FKTN: variants seen among roughly 807,000 people sequenced by gnomAD.
The protein encoded by FKTN is fukutin.
FKTN carries 47 observed loss-of-function variants against 58.6 expected under a neutral mutation model. The ratio of observed to expected loss-of-function variants is 0.80; its 90% confidence interval spans 0.63 to 1.02. The LOEUF (loss-of-function observed/expected upper bound fraction) is 1.02. Ranked by LOEUF, FKTN falls within the 50% of genes least tolerant of loss-of-function variation. FKTN has a pLI of 0.00. For synonymous variants in FKTN, 178 were observed against 191.9 expected (o/e 0.93, Z 0.60); for missense variants, 516 against 537.3 (o/e 0.96, Z 0.39).
At chr9:105,581,644 G>T (rs1842934315) in intron 3 of FKTN, among the ~76,000 whole-genome samples, 1 of 152,212 alleles carries the variant, frequency 6.6e-6, no homozygotes, top group Admixed American at 6.5e-5. Flanking sequence ...TGCCCCCAGA[G>T]GTGGAGCCTA....
chr9:105,624,623 C>CAAAAAAAAA (rs779770311), intron 10 of FKTN, among the ~76,000 whole-genome samples: 1 of 69,180 alleles, frequency 1.4e-5, no homozygotes, highest in Admixed American at 1.6e-4. Flanking sequence ...AGAGCAAAAC[C>CAAAAAAAAA]AAAAAAAAAA....
chr9:105,605,166 AAC>A (rs139334189), intron 6 of FKTN, among the ~76,000 whole-genome samples: 2,720 of 152,090 alleles, frequency 0.018, 72 homozygotes, highest in African/African-American at 0.062. Context: ...TTCATTAATA[AAC>A]AATGATATAT....
At chr9:105,626,513 C>T (rs561747706) in intron 10 of FKTN, among the ~76,000 whole-genome samples, 6 of 152,228 alleles carry the variant, frequency 3.9e-5, no homozygotes, top group South Asian at 2.1e-4. Flanking sequence ...CTCTTAATAC[C>T]GTCACCTTGG....
chr9:105,622,351 A>G (rs1482436136), intron 10 of FKTN, among the ~76,000 whole-genome samples: 1 of 152,020 alleles, frequency 6.6e-6, no homozygotes, highest in African/African-American at 2.4e-5. Flanking sequence ...CAGAAGAGGA[A>G]CTCAAGAAGG....
intron 3 of FKTN, among the ~76,000 whole-genome samples, chr9:105,592,229 G>C (rs1386916610): frequency 6.6e-6 from 1 of 152,168 alleles, no homozygotes; most frequent in Non-Finnish European, 1.5e-5. Flanking sequence ...TTCCAAACAT[G>C]TATGCCCTGC....
intron 1 of FKTN, among the ~76,000 whole-genome samples, chr9:105,559,566 C>T (rs1191055778): frequency 2.6e-5 from 4 of 151,976 alleles, no homozygotes; most frequent in Admixed American, 2.6e-4. Context: ...CGCCTGTAAT[C>T]CCAGCTACTC....
intron 7 of FKTN, 112 bp from the exon 8 acceptor site, chr9:105,615,166 G>A (rs1830595236): frequency 5.1e-6 from 6 of 1,171,806 alleles, no homozygotes. Context: ...TTACAGGCGT[G>A]AGCCACTGTG....
At chr9:105,619,861 AT>A (rs958948173) in intron 9 of FKTN, 72 bp from the exon 10 acceptor site, 9 of 1,336,070 alleles carry the variant, frequency 6.7e-6, no homozygotes, top group African/African-American at 4.4e-5. Context: ...CTTTATTTTT[AT>A]TTTTTAAAAA....
chr9:105,561,395 T>TA (rs1564179666), intron 1 of FKTN, among the ~76,000 whole-genome samples: 6 of 152,114 alleles, frequency 3.9e-5, no homozygotes, highest in South Asian at 2.1e-4. Flanking sequence ...TTTAAAGTTT[T>TA]AAAAAAAACT....
At chr9:105,562,049 C>T (rs1455304524) in intron 1 of FKTN, among the ~76,000 whole-genome samples, 5 of 152,088 alleles carry the variant, frequency 3.3e-5, no homozygotes, top group Admixed American at 6.5e-5. Flanking sequence ...TCTCTTTCCT[C>T]TGTAGTTCAG....
At position 105,624,075 on chromosome 9, in the gene FKTN, A is replaced by G. The variant is rs79331453; in HGVS notation, c.1172+4014A>G. Among the ~76,000 whole-genome samples, 325 of 152,350 alleles carry G rather than the reference A, an allele frequency of 2.1e-3. 8 individuals are homozygous for G. In the East Asian group the frequency reaches 0.051, roughly 24 times the overall value. On this transcript the variant is annotated intron_variant, in intron 10 of 10. Coordinates refer to ENST00000357998, the MANE Select transcript of FKTN (RefSeq NM_001079802.2). ...AAAGGTAGAATTATTAAGTCAAAAG[A>G]TATGAGCCTTTTAAAGAGTTTTGAT...
chr9:105,594,803 G>C (rs1431215160), intron 3 of FKTN, among the ~76,000 whole-genome samples: 8 of 152,314 alleles, frequency 5.3e-5, no homozygotes, highest in Admixed American at 5.2e-4. Flanking sequence ...CTGCACAGTT[G>C]CAGGTGCAGA....
chr9:105,580,938 C>T (rs879431457), intron 3 of FKTN, among the ~76,000 whole-genome samples: 40 of 110,332 alleles, frequency 3.6e-4, no homozygotes, highest in Non-Finnish European at 6.2e-4. Context: ...TGCTGATACC[C>T]TTTCTTCCAG....
At chr9:105,580,332 T>C (rs552865105) in intron 3 of FKTN, among the ~76,000 whole-genome samples, 3,395 of 152,098 alleles carry the variant, frequency 0.022, 43 homozygotes, top group Non-Finnish European at 0.031. Context: ...GTTTAGTGCT[T>C]CCTTCAGGAG....
chr9:105,598,236 T>C (rs1670176129), intron 4 of FKTN: 1 of 400,370 alleles, frequency 2.5e-6, no homozygotes, highest in Admixed American at 3.3e-5. Flanking sequence ...AAATTGTAAA[T>C]GTGGTCACTG....
intron 1 of FKTN, among the ~76,000 whole-genome samples, chr9:105,569,413 TCTA>T (rs550984182): frequency 1.1e-3 from 168 of 152,344 alleles, no homozygotes; most frequent in African/African-American, 3.9e-3. Flanking sequence ...ATGGGTTTTA[TCTA>T]CTACTAGTTT....
Position 105,639,422 on chromosome 9 carries a change from C to A in FKTN, c.*4158C>A. 1.6e-6 allele frequency: 1 copy of A among 606,368 alleles called. No homozygotes were observed. The highest frequency in any genetic ancestry group is 2.1e-6 in the Non-Finnish European group (1 of 483,932). 37.6% of individuals were successfully genotyped at this position (606,368 alleles called of 1,614,324 possible). A position where few individuals can be genotyped will look rare whatever the true frequency, so the allele number is the denominator to read the frequency against. On this transcript the variant is annotated 3_prime_UTR_variant, in exon 11 of 11. Transcript: ENST00000357998. The stretch of plus-strand genomic sequence containing the variant: ...GGGGCCCTTTCAGTCTCAATTTCCA[C>A]ATTAGTGAACTGGGGAAATGATACA...
intron 1 of FKTN, among the ~76,000 whole-genome samples, chr9:105,571,600 C>T (rs1226654437): frequency 6.6e-6 from 1 of 151,998 alleles, no homozygotes; most frequent in African/African-American, 2.4e-5. Context: ...ATAGGCAGGC[C>T]TATTATGTGT....
intron 1 of FKTN, among the ~76,000 whole-genome samples, chr9:105,571,089 G>A (rs1156389659): frequency 6.6e-6 from 1 of 152,144 alleles, no homozygotes; most frequent in African/African-American, 2.4e-5. Flanking sequence ...CTATTGAAAA[G>A]TTTTGATTGT....
Sources: allele counts gnomAD v4.1 joint callset (sites outside exome capture counted in the v4.1 genomes callset), GRCh38; gene constraint gnomAD v4.1.1; transcripts MANE v1.5; gene names NCBI Gene and HGNC (gene_info 2026-07-23, HGNC 2026-07-21).